Variants in OSBPL1A observed in about 807,000 individuals in gnomAD.
OSBPL1A encodes the protein oxysterol-binding protein-related protein 1.
OSBPL1A carries 80 observed loss-of-function variants against 137.1 expected under a neutral mutation model. The observed-to-expected ratio is 0.58, with a 90% CI of 0.49 to 0.70. The LOEUF is 0.70. Ranked by LOEUF, OSBPL1A falls within the 30% of genes least tolerant of loss-of-function variation. The pLI is 0.00. For missense variants in OSBPL1A, 970 were observed against 1,129.4 expected (o/e 0.86, Z 2.02); for synonymous variants, 365 against 389.7 (o/e 0.94, Z 0.75).
At chr18:24,340,990 G>A (rs1294324646) in intron 5 of OSBPL1A, among the ~76,000 whole-genome samples, 1 of 151,806 alleles carries the variant, frequency 6.6e-6, no homozygotes, top group Non-Finnish European at 1.5e-5. Flanking sequence ...TATTTTTTCT[G>A]AGGCCCAAAA....
At chr18:24,233,586 C>A (rs1430203911) in intron 16 of OSBPL1A, among the ~76,000 whole-genome samples, 1 of 152,174 alleles carries the variant, frequency 6.6e-6, no homozygotes, top group Non-Finnish European at 1.5e-5. Flanking sequence ...CTACGTACTT[C>A]AGGGATGTAA....
rs71163675 is a variant in OSBPL1A at position 24,332,385 on chromosome 18, C to CAAAAAAAA, written c.625+549_625+556dup. ...TGGGCAACAGAGAGAGACTCTGTCT[C>CAAAAAAAA]AAAAAAAAAAAAAAAAAAAAAAAAA... is the stretch of plus-strand genomic sequence containing the variant. On this transcript the variant is annotated intron_variant, in intron 7 of 27. Transcript: ENST00000319481. Among the ~76,000 whole-genome samples the CAAAAAAAA allele has an allele frequency of 3.8e-4, 20 of 53,060 alleles. 1 individual carries two copies. The highest frequency in any genetic ancestry group is 1.7e-3 in the African/African-American group (18 of 10,732). 34.8% of individuals were successfully genotyped at this position (53,060 alleles called of 152,430 possible). A position where few individuals can be genotyped will look rare whatever the true frequency, so the allele number is the denominator to read the frequency against.
chr18:24,293,983 T>A (rs1212589967), intron 14 of OSBPL1A, among the ~76,000 whole-genome samples: 1 of 152,150 alleles, frequency 6.6e-6, no homozygotes, highest in Non-Finnish European at 1.5e-5. Flanking sequence ...TAAGTTTGTT[T>A]ACTCAAAGCC....
intron 21 of OSBPL1A, among the ~76,000 whole-genome samples, chr18:24,177,481 G>A (rs959553683): frequency 2.0e-5 from 3 of 152,034 alleles, no homozygotes; most frequent in African/African-American, 7.2e-5. Context: ...AGAGTCTTTG[G>A]GTTGTTGCTT....
intron 11 of OSBPL1A, among the ~76,000 whole-genome samples, chr18:24,315,089 A>G (rs562491656): frequency 6.6e-6 from 1 of 152,302 alleles, no homozygotes; most frequent in South Asian, 2.1e-4. Context: ...GGACCTGAAC[A>G]AAAGCTGACA....
At chr18:24,279,834 G>T (rs562513643) in intron 15 of OSBPL1A, among the ~76,000 whole-genome samples, 56 of 152,148 alleles carry the variant, frequency 3.7e-4, no homozygotes, top group Middle Eastern at 3.4e-3. Context: ...TATTTGGTTT[G>T]CTTTTCTTTT....
intron 7 of OSBPL1A, among the ~76,000 whole-genome samples, chr18:24,319,924 G>A (rs188755877): frequency 1.3e-5 from 2 of 151,462 alleles, no homozygotes; most frequent in East Asian, 3.9e-4. Context: ...GCGGAAGGAT[G>A]GCTTGAGGCC....
chr18:24,185,627 C>T (rs989638556), intron 18 of OSBPL1A, among the ~76,000 whole-genome samples: 1 of 152,136 alleles, frequency 6.6e-6, no homozygotes, highest in Non-Finnish European at 1.5e-5. Context: ...CCAGGTTCAC[C>T]GATTGTAACA....
intron 15 of OSBPL1A, among the ~76,000 whole-genome samples, chr18:24,241,354 G>A (rs2088684318): frequency 6.6e-6 from 1 of 152,088 alleles, no homozygotes; most frequent in Non-Finnish European, 1.5e-5. Context: ...TACAGAATGG[G>A]AGAAAATTTT....
intron 15 of OSBPL1A, among the ~76,000 whole-genome samples, chr18:24,251,377 T>C (rs1400082269): frequency 6.6e-6 from 1 of 152,180 alleles, no homozygotes; most frequent in Admixed American, 6.5e-5. Context: ...TGCATCACCA[T>C]ACACCCAGTT....
chr18:24,329,320 C>T (rs1256495307), intron 7 of OSBPL1A, among the ~76,000 whole-genome samples: 3 of 152,022 alleles, frequency 2.0e-5, no homozygotes, highest in Non-Finnish European at 4.4e-5. Context: ...GAGGCTGAGG[C>T]GGGCGGGTCA....
chr18:24,252,932 G>A lies in OSBPL1A; in HGVS notation c.1282-13550C>T, dbSNP rs187021717. 6.7e-3 allele frequency among the ~76,000 whole-genome samples: 1,012 copies of A among 152,094 alleles called. 8 individuals carry two copies. The highest frequency in any genetic ancestry group is 0.01 in the Non-Finnish European group (683 of 68,004). ...ATGGGTTATAAGACAGTATTTGCAAGCCTCACAGTAGCCTCAAATCGAAAA... is the reference window on the plus strand; with the variant it reads ...ATGGGTTATAAGACAGTATTTGCAAACCTCACAGTAGCCTCAAATCGAAAA... On this transcript the variant is annotated intron_variant, in intron 15 of 27. Transcript: ENST00000319481.
At chr18:24,378,275 TAAAA>T (rs900130984) in intron 1 of OSBPL1A, among the ~76,000 whole-genome samples, 5 of 151,966 alleles carry the variant, frequency 3.3e-5, no homozygotes, top group African/African-American at 1.2e-4. Flanking sequence ...TTAGCAAAAA[TAAAA>T]AAAGACAAGA....
At chr18:24,298,481 G>A (rs2090335713) in intron 14 of OSBPL1A, among the ~76,000 whole-genome samples, 1 of 152,188 alleles carries the variant, frequency 6.6e-6, no homozygotes, top group Non-Finnish European at 1.5e-5. Context: ...CAGTAGCTGG[G>A]ACTATAGGCG....
At chr18:24,220,089 T>C (rs1007882685) in intron 17 of OSBPL1A, among the ~76,000 whole-genome samples, 1 of 152,188 alleles carries the variant, frequency 6.6e-6, no homozygotes, top group Non-Finnish European at 1.5e-5. Context: ...TTTAGTCCTC[T>C]GCTTCAGCTG....
At chr18:24,224,908 C>T in intron 17 of OSBPL1A, 134 bp downstream of exon 17, 1 of 1,167,922 alleles carries the variant, frequency 8.6e-7, no homozygotes, top group Non-Finnish European at 1.2e-6. Context: ...AAGTTAAATG[C>T]TTTCTTTGAG....
chr18:24,235,995 C>T (rs781436897), intron 16 of OSBPL1A, among the ~76,000 whole-genome samples: 1 of 152,150 alleles, frequency 6.6e-6, no homozygotes, highest in East Asian at 1.9e-4. Context: ...GAGGATGGGG[C>T]CTTGAGCCAG....
intron 14 of OSBPL1A, among the ~76,000 whole-genome samples, chr18:24,282,600 C>T: frequency 6.6e-6 from 1 of 152,264 alleles, no homozygotes; most frequent in Admixed American, 6.5e-5. Context: ...GTGCAAAGTG[C>T]ATATATATCA....
chr18:24,217,580 C>T (rs1050949065), intron 17 of OSBPL1A, among the ~76,000 whole-genome samples: 9 of 152,038 alleles, frequency 5.9e-5, no homozygotes, highest in Non-Finnish European at 1.2e-4. Context: ...TATAGATTTT[C>T]AGCTAATAAA....
Sources: allele counts gnomAD v4.1 joint callset (sites outside exome capture counted in the v4.1 genomes callset), GRCh38; gene constraint gnomAD v4.1.1; transcripts MANE v1.5; gene names NCBI Gene and HGNC (gene_info 2026-07-23, HGNC 2026-07-21).